BIN2: variants seen among roughly 807,000 people sequenced by gnomAD.
The protein encoded by BIN2 is bridging integrator 2.
Under a neutral mutation model 67.9 loss-of-function variants are expected in BIN2, and 43 were observed. The observed-to-expected ratio is 0.63, with a 90% CI of 0.50 to 0.82. BIN2 has a LOEUF of 0.82. Ranked by LOEUF, BIN2 falls within the 40% of genes least tolerant of loss-of-function variation. The pLI, the probability that BIN2 is intolerant of heterozygous loss-of-function variation, is 0.00. For missense variants in BIN2, 581 were observed against 671.6 expected, an observed-to-expected ratio of 0.87 and a Z score of 1.49; for synonymous variants, 244 against 246.8, an observed-to-expected ratio of 0.99 and a Z score of 0.11.
At chr12:51,306,808 A>G (rs1200867725) in intron 2 of BIN2, among the ~76,000 whole-genome samples, 1 of 152,232 alleles carries the variant, frequency 6.6e-6, no homozygotes, top group Non-Finnish European at 1.5e-5. Context: ...ATCTACCAGA[A>G]AGGATATCTC....
At chr12:51,306,147 T>G (rs553325731) in intron 2 of BIN2, among the ~76,000 whole-genome samples, 1 of 152,214 alleles carries the variant, frequency 6.6e-6, no homozygotes, top group African/African-American at 2.4e-5. Context: ...CAGAGCTCAC[T>G]TCTAAGCTAG....
At chr12:51,286,801 C>G (rs2137342135) in intron 11 of BIN2, among the ~76,000 whole-genome samples, 1 of 152,184 alleles carries the variant, frequency 6.6e-6, no homozygotes, top group South Asian at 2.1e-4. Flanking sequence ...TAGAAACTGA[C>G]CAAGGAAAAG....
intron 10 of BIN2, among the ~76,000 whole-genome samples, chr12:51,289,883 G>A (rs914747136): frequency 2.0e-5 from 3 of 151,664 alleles, no homozygotes. Flanking sequence ...ACTTCCCTCT[G>A]TGAGTTCCTG....
chr12:51,307,361 C>T lies in BIN2; in HGVS notation c.163-4220G>A, dbSNP rs1014333448. On this transcript the variant is annotated intron_variant, in intron 2 of 12. Coordinates refer to ENST00000615107, the MANE Select transcript of BIN2 (RefSeq NM_016293.4). ...AAAAGGACTCAATTTTTTACTTCAC[C>T]ATGAAAATTTTATTTCAAAAATAAA... is the stretch of plus-strand genomic sequence containing the variant. Among the ~76,000 whole-genome samples, 9 of 151,514 alleles carry T rather than the reference C, an allele frequency of 5.9e-5. No homozygotes were observed. In the South Asian group the frequency reaches 8.3e-4, roughly 14 times the overall value.
chr12:51,318,982 G>GTGCA (rs2137446380), intron 1 of BIN2, among the ~76,000 whole-genome samples: 1 of 152,276 alleles, frequency 6.6e-6, no homozygotes, highest in East Asian at 1.9e-4. Context: ...AGCCCTGGAT[G>GTGCA]TGCAGTCTGC....
chr12:51,292,265 G>C lies in BIN2; in HGVS notation c.841C>G (p.Pro281Ala). ...TCACTCTTCAAGGAAAGTGTAGAGG[G>C]ACTAGTAGGTGAGGTAAGAGGACTG... Reference protein sequence around the residue: ...VSSPLTSPTSPSTLSLKSESE... With the variant: ...VSSPLTSPTSASTLSLKSESE... The change falls in exon 10 of 13, where the codon CCC becomes GCC. Residue 281 changes from proline (P) to alanine (A), a missense_variant. Pro to Ala is a conservative substitution (Grantham distance 27, BLOSUM62 -1). Coordinates refer to ENST00000615107, the MANE Select transcript of BIN2 (RefSeq NM_016293.4). 1 of 1,602,710 alleles carries C rather than the reference G, an allele frequency of 6.2e-7. No individual in the cohort carries two copies. The highest frequency in any genetic ancestry group is 2.2e-5 in the East Asian group (1 of 44,870).
chr12:51,284,565 T>G, intron 12 of BIN2, 151 bp downstream of exon 12: 1 of 590,942 alleles, frequency 1.7e-6, no homozygotes, highest in Non-Finnish European at 3.1e-6. Flanking sequence ...TCCCAGTTCA[T>G]TCTTGTTTCC....
intron 2 of BIN2, among the ~76,000 whole-genome samples, chr12:51,307,076 A>G (rs989542394): frequency 6.6e-6 from 1 of 151,782 alleles, no homozygotes; most frequent in Non-Finnish European, 1.5e-5. Flanking sequence ...TGAGGTCAAG[A>G]GATCGAGACC....
intron 1 of BIN2, among the ~76,000 whole-genome samples, chr12:51,318,239 A>G (rs1592283688): frequency 6.7e-6 from 1 of 148,378 alleles, no homozygotes; most frequent in Admixed American, 6.7e-5. Context: ...TTCTGTGGAG[A>G]GACTCTGATT....
At chr12:51,298,439 G>A (rs1392851943) in intron 7 of BIN2, among the ~76,000 whole-genome samples, 1 of 152,092 alleles carries the variant, frequency 6.6e-6, no homozygotes, top group Non-Finnish European at 1.5e-5. Flanking sequence ...TGTAGTCCCA[G>A]CTACTCAGGA....
chr12:51,306,689 G>T (rs191954181), intron 2 of BIN2, among the ~76,000 whole-genome samples: 2 of 152,292 alleles, frequency 1.3e-5, no homozygotes, highest in Admixed American at 1.3e-4. Context: ...GGAAGAATTG[G>T]TAAAATTCAC....
At chr12:51,301,000 C>T (rs759110628) in intron 5 of BIN2, among the ~76,000 whole-genome samples, 10 of 152,124 alleles carry the variant, frequency 6.6e-5, no homozygotes, top group Non-Finnish European at 1.5e-4. Flanking sequence ...GGCGGATCAC[C>T]TGATGTCAGG....
At chr12:51,320,954 A>AAC (rs59450014) in intron 1 of BIN2, among the ~76,000 whole-genome samples, 17 of 147,322 alleles carry the variant, frequency 1.2e-4, no homozygotes, top group South Asian at 4.3e-4. Flanking sequence ...CACACACACA[A>AAC]ACACACACAC....
intron 1 of BIN2, among the ~76,000 whole-genome samples, chr12:51,320,954 A>ACACACACACACACACACAC (rs1555173090): frequency 6.8e-6 from 1 of 147,240 alleles, no homozygotes; most frequent in South Asian, 2.1e-4. Flanking sequence ...CACACACACA[A>ACACACACACACACACACAC]ACACACACAC....
intron 2 of BIN2, among the ~76,000 whole-genome samples, chr12:51,308,112 C>T (rs1945916127): frequency 6.6e-6 from 1 of 151,954 alleles, no homozygotes; most frequent in Non-Finnish European, 1.5e-5. Context: ...CCTATCTGTC[C>T]CCCCCTGGAA....
At chr12:51,318,113 C>T (rs1250791403) in intron 1 of BIN2, among the ~76,000 whole-genome samples, 1 of 152,170 alleles carries the variant, frequency 6.6e-6, no homozygotes, top group Non-Finnish European at 1.5e-5. Context: ...CTAGCTGGTT[C>T]AGCATGGCTG....
intron 9 of BIN2, among the ~76,000 whole-genome samples, 168 bp downstream of exon 9, chr12:51,295,628 A>AAG: frequency 7.6e-6 from 1 of 131,126 alleles, no homozygotes; most frequent in African/African-American, 2.8e-5. Context: ...ATATATATAT[A>AAG]TATTTAGTAA....
At chr12:51,294,576 A>C (rs541420619) in intron 9 of BIN2, among the ~76,000 whole-genome samples, 6 of 151,688 alleles carry the variant, frequency 4.0e-5, no homozygotes, top group South Asian at 2.1e-4. Flanking sequence ...CAAAAAAAAA[A>C]AAAACAAAAA....
intron 2 of BIN2, among the ~76,000 whole-genome samples, chr12:51,308,353 C>A (rs1945921082): frequency 6.6e-6 from 1 of 152,186 alleles, no homozygotes; most frequent in African/African-American, 2.4e-5. Flanking sequence ...TTGCCGAATT[C>A]TTGGCATTGC....
Sources: gnomAD v4.1 joint callset for allele counts (sites outside exome capture counted in the v4.1 genomes callset) on GRCh38, gnomAD v4.1.1 for gene constraint, MANE v1.5 for transcripts, NCBI Gene and HGNC (gene_info 2026-07-23, HGNC 2026-07-21) for gene names.